The following DESI2 variants were observed in gnomAD, a reference collection of about 807,000 sequenced individuals.
DESI2 encodes deubiquitinase DESI2.
In DESI2, 10 loss-of-function variants were observed where a neutral mutation model predicts 24.1. The observed-to-expected ratio is 0.41, with a 90% CI of 0.26 to 0.70. The LOEUF (loss-of-function observed/expected upper bound fraction) is 0.70, where lower values mean the gene tolerates loss of function less well. Among genes scored for constraint, DESI2 ranks in the 30% least tolerant of loss-of-function variants. DESI2 has a pLI of 0.29. For synonymous variants in DESI2, 71 were observed against 87.7 expected (o/e 0.81, Z 1.06); for missense variants, 122 against 234.9 (o/e 0.52, Z 3.14).
At chr1:244,661,455 A>C (rs1356061148) in intron 1 of DESI2, among the ~76,000 whole-genome samples, 3 of 152,114 alleles carry the variant, frequency 2.0e-5, no homozygotes, top group Non-Finnish European at 4.4e-5. Context: ...ACATGTGCAC[A>C]ATGTGCAGGT....
intron 4 of DESI2, chr1:244,694,609 A>G: frequency 1.2e-6 from 1 of 849,416 alleles, no homozygotes; most frequent in South Asian, 1.3e-5. Flanking sequence ...TTGGCGGGGT[A>G]GCCACATTTG....
intron 4 of DESI2, among the ~76,000 whole-genome samples, chr1:244,697,401 CAGG>C (rs1300568024): frequency 6.7e-6 from 1 of 150,110 alleles, no homozygotes; most frequent in Non-Finnish European, 1.5e-5. Context: ...CCCAGCTACT[CAGG>C]AGGTGGAAGT....
intron 4 of DESI2, among the ~76,000 whole-genome samples, chr1:244,699,578 CAAAAAAAAAAAAAAAAAAAAAAAAAAAA>C (rs559295405): frequency 1.5e-5 from 1 of 66,194 alleles, no homozygotes; most frequent in Non-Finnish European, 2.9e-5. Flanking sequence ...GAGACTGTCT[CAAAAAAAAAAAAAAAAAAAAAAAAAAAA>C]AAAAAAAAAA....
intron 1 of DESI2, among the ~76,000 whole-genome samples, chr1:244,675,131 C>T (rs1354890398): frequency 6.6e-6 from 1 of 151,928 alleles, no homozygotes; most frequent in East Asian, 1.9e-4. Context: ...GATCCTTTGC[C>T]CATTTTTTAG....
intron 4 of DESI2, among the ~76,000 whole-genome samples, chr1:244,704,192 T>C (rs79209336): frequency 0.02 from 2,985 of 152,252 alleles, 99 homozygotes; most frequent in African/African-American, 0.068. Context: ...CTTATTAAAT[T>C]TTAGCTAATT....
At chr1:244,696,937 A>G (rs1018515320) in intron 4 of DESI2, among the ~76,000 whole-genome samples, 1 of 152,140 alleles carries the variant, frequency 6.6e-6, no homozygotes, top group African/African-American at 2.4e-5. Context: ...TGAGTCTGTA[A>G]TGATCTTCCC....
At chr1:244,684,818 C>G (rs1676757485) in intron 1 of DESI2, among the ~76,000 whole-genome samples, 1 of 152,154 alleles carries the variant, frequency 6.6e-6, no homozygotes, top group African/African-American at 2.4e-5. Context: ...GGTTAAGTCA[C>G]TTTCATTGAT....
intron 4 of DESI2, among the ~76,000 whole-genome samples, chr1:244,695,073 C>A (rs757300321): frequency 6.6e-6 from 1 of 152,218 alleles, no homozygotes; most frequent in Non-Finnish European, 1.5e-5. Context: ...TTATTCATTT[C>A]TCTAAGCTGC....
In DESI2 at chr1:244,706,141, A is replaced by C; in HGVS notation, c.*352A>C. 1 of 214,554 alleles carries C rather than the reference A, an allele frequency of 4.7e-6. No individual in the cohort carries two copies. Among genetic ancestry groups the C allele is most frequent in the South Asian group, 7.7e-5 (1 of 12,988 alleles). 13.3% of individuals were successfully genotyped at this position (214,554 alleles called of 1,614,324 possible). ...GAAAGAAGAAAATCTTCATGTCTTC[A>C]AAAATTAGGCAGGTAATCTTTGTAT... On this transcript the variant is annotated 3_prime_UTR_variant, in exon 5 of 5. Transcript: ENST00000302550.
intron 4 of DESI2, among the ~76,000 whole-genome samples, chr1:244,701,167 G>A (rs934772428): frequency 7.5e-6 from 1 of 133,106 alleles, no homozygotes; most frequent in African/African-American, 2.9e-5. Context: ...TATTAGGAAA[G>A]GATGCTACAG....
At chr1:244,664,299 T>C (rs989545493) in intron 1 of DESI2, among the ~76,000 whole-genome samples, 3 of 152,240 alleles carry the variant, frequency 2.0e-5, no homozygotes, top group Non-Finnish European at 2.9e-5. Context: ...GTAAATATAC[T>C]TAATTCTTGT....
At chr1:244,702,137 C>T (rs1300757827) in intron 4 of DESI2, among the ~76,000 whole-genome samples, 2 of 152,200 alleles carry the variant, frequency 1.3e-5, no homozygotes, top group African/African-American at 2.4e-5. Flanking sequence ...ATGGTTACCT[C>T]GCTACCTCCA....
chr1:244,683,363 G>C (rs1029029193), intron 1 of DESI2, among the ~76,000 whole-genome samples: 4 of 151,892 alleles, frequency 2.6e-5, no homozygotes, highest in Non-Finnish European at 1.5e-5. Flanking sequence ...CCAGGCTGGA[G>C]TGCAGTGGCG....
chr1:244,679,196 C>A (rs191375459), intron 1 of DESI2, among the ~76,000 whole-genome samples: 164 of 152,152 alleles, frequency 1.1e-3, no homozygotes, highest in African/African-American at 3.7e-3. Flanking sequence ...GCACGCACCA[C>A]CACTTCCAGC....
Position 244,686,656 on chromosome 1 carries a change from A to G in DESI2, c.102A>G (p.Glu34=), listed in dbSNP as rs1676835078. The stretch of plus-strand genomic sequence containing the variant: ...TTGGAGTTTTTCATTCAGGAATTGA[A>G]GTCTATGGCAGAGGTACGTGTACAC... ...IGIGVFHSGI[E]VYGREFAYGG... is the part of the protein sequence containing the mutation. The change falls in exon 2 of 5, where the codon GAA becomes GAG. Residue 34 remains glutamate, a synonymous_variant. Transcript: ENST00000302550. 3 of 1,603,596 alleles carry G rather than the reference A, an allele frequency of 1.9e-6. No individual in the cohort carries two copies. In the South Asian group the frequency reaches 3.3e-5, roughly 18 times the overall value.
At chr1:244,661,473 A>C (rs1479216653) in intron 1 of DESI2, among the ~76,000 whole-genome samples, 1 of 151,962 alleles carries the variant, frequency 6.6e-6, no homozygotes, top group East Asian at 1.9e-4. Context: ...GGTTTGTTAC[A>C]TATGTATACA....
chr1:244,661,182 T>C (rs1277034162), intron 1 of DESI2, among the ~76,000 whole-genome samples: 1 of 152,154 alleles, frequency 6.6e-6, no homozygotes, highest in Non-Finnish European at 1.5e-5. Context: ...CATTTCTCCC[T>C]CCCCTCAGTC....
rs1429097946 is a variant in DESI2, at chr1:244,705,973, A to G, written c.*184A>G. Reference sequence around the variant, plus strand: ...AAAATCACTTGGCGCAGGAGGGAGAACTTTGTAAGAAGCTGCCCTCTGTTT... The same window carrying G: ...AAAATCACTTGGCGCAGGAGGGAGAGCTTTGTAAGAAGCTGCCCTCTGTTT... On this transcript the variant is annotated 3_prime_UTR_variant, in exon 5 of 5. Coordinates refer to ENST00000302550, the MANE Select transcript of DESI2 (RefSeq NM_016076.5). The G allele has an allele frequency of 5.2e-6, 3 of 579,516 alleles. No homozygotes were observed. Among genetic ancestry groups the G allele is most frequent in the Non-Finnish European group, 6.1e-6 (2 of 327,440 alleles). 35.9% of individuals were successfully genotyped at this position (579,516 alleles called of 1,614,324 possible).
rs957182620 is a variant in DESI2, at chr1:244,705,769, G to T, written c.565G>T (p.Gly189Trp). 1.2e-6 allele frequency: 2 copies of T among 1,610,792 alleles called. No individual in the cohort carries two copies. Among genetic ancestry groups the T allele is most frequent in the Admixed American group, 1.7e-5 (1 of 59,998 alleles). ...AAGCACTGCAGCAGGCTCCAGACCC[G>T]GGCGCCACACTAAACTATAAATGTC... is the stretch of plus-strand genomic sequence containing the variant. The part of the protein sequence containing the change: ...VASTAAGSRP[G>W]RHTKL Residue 189 changes from glycine (G) to tryptophan (W), a missense_variant, in exon 5 of 5, where the codon GGG (glycine) becomes TGG (tryptophan). Gly to Trp is a radical substitution (Grantham distance 184, BLOSUM62 -2). Around this residue, in one of 6 missense-constraint regions of DESI2, gnomAD observed 56 missense variants for 67.9 expected, o/e 0.82. Transcript: ENST00000302550.
Sources: gnomAD v4.1 joint callset for allele counts (sites outside exome capture counted in the v4.1 genomes callset) on GRCh38, gnomAD v4.1.1 for gene constraint, gnomAD v4.1.1 regional missense constraint, MANE v1.5 for transcripts, NCBI Gene and HGNC (gene_info 2026-07-23, HGNC 2026-07-21) for gene names.